USP34: variants seen among roughly 807,000 people sequenced by gnomAD.
The protein encoded by USP34 is ubiquitin carboxyl-terminal hydrolase 34.
USP34 carries 70 observed loss-of-function variants against 460.3 expected under a neutral mutation model. The ratio of observed to expected loss-of-function variants is 0.15; its 90% CI spans 0.13 to 0.19. USP34 has a LOEUF of 0.19. Ranked by LOEUF, USP34 falls within the 10% of genes least tolerant of loss-of-function variation. USP34 has a pLI of 1.00. For missense variants in USP34, 3,985 were observed against 4,236.2 expected (o/e 0.94, Z 1.65); for synonymous variants, 1,647 against 1,405.3 (o/e 1.17, Z -3.85).
chr2:61,283,107 C>A (rs1198487200), intron 37 of USP34, 38 bp downstream of exon 37: 2 of 1,594,626 alleles, frequency 1.3e-6, no homozygotes, highest in Non-Finnish European at 1.7e-6. Flanking sequence ...TGAAAACATA[C>A]AAAAAATAAC....
At chr2:61,206,713 C>CT in intron 71 of USP34, 47 bp downstream of exon 71, 2 of 1,599,700 alleles carry the variant, frequency 1.3e-6, no homozygotes, top group Non-Finnish European at 1.7e-6. Context: ...CCTTCTCTCT[C>CT]TTTACTAGTA....
At chr2:61,326,777 A>AT (rs35060068) in intron 20 of USP34, among the ~76,000 whole-genome samples, 2,351 of 102,988 alleles carry the variant, frequency 0.023, 41 homozygotes, top group Non-Finnish European at 0.027. Context: ...GTCAATGGGC[A>AT]TTTTTTTTTT....
chr2:61,457,094 G>A (rs1695462460), intron 1 of USP34, among the ~76,000 whole-genome samples: 1 of 152,032 alleles, frequency 6.6e-6, no homozygotes, highest in African/African-American at 2.4e-5. Context: ...TGGGTAACAT[G>A]GTGAAACCCT....
intron 10 of USP34, among the ~76,000 whole-genome samples, chr2:61,359,783 T>TG (rs1406142199): frequency 2.1e-4 from 30 of 142,540 alleles, no homozygotes; most frequent in Admixed American, 2.1e-4. Flanking sequence ...ACAGTTGTTT[T>TG]TTTTTTTTTT....
chr2:61,233,276 G>A (rs746200746), intron 57 of USP34, among the ~76,000 whole-genome samples: 4 of 151,996 alleles, frequency 2.6e-5, no homozygotes, highest in Non-Finnish European at 4.4e-5. Flanking sequence ...GAGAAGAGAA[G>A]GAAACAGAGG....
At chr2:61,243,549 TCTTC>T (rs1286150419) in intron 51 of USP34, among the ~76,000 whole-genome samples, 25 of 129,362 alleles carry the variant, frequency 1.9e-4, no homozygotes, top group African/African-American at 5.9e-4. Context: ...GCCTTCCTCT[TCTTC>T]CTTCATTTTT....
In USP34 at chr2:61,296,938, G is replaced by A. The variant is rs1184228679; in HGVS notation, c.4129-13C>T. 9 of 1,601,338 alleles carry A rather than the reference G, an allele frequency of 5.6e-6. No individual in the cohort carries two copies. The East Asian group carries it at 1.6e-4, about 28-fold the overall frequency. On this transcript the variant is annotated splice_polypyrimidine_tract_variant and intron_variant, in intron 29 of 79. Transcript: ENST00000398571. ...CACATCGTAAGCTCTACACAAATAA[G>A]AACAACTACTTTATCAAAACAGATC...
At chr2:61,208,654 C>T (rs967732243) in intron 70 of USP34, 18 of 247,470 alleles carry the variant, frequency 7.3e-5, no homozygotes, top group Non-Finnish European at 6.2e-5. Context: ...TAGTCTATTT[C>T]AAATGGCTGT....
intron 27 of USP34, 54 bp downstream of exon 27, chr2:61,311,486 G>GAAAGAA (rs1690592516): frequency 9.2e-5 from 14 of 152,340 alleles, no homozygotes; most frequent in Non-Finnish European, 1.2e-4. Flanking sequence ...AAGAGAAAGA[G>GAAAGAA]AAAAAGAAAG....
At chr2:61,449,083 G>A (rs1207316813) in intron 1 of USP34, among the ~76,000 whole-genome samples, 1 of 152,072 alleles carries the variant, frequency 6.6e-6, no homozygotes, top group East Asian at 1.9e-4. Context: ...CTTGAACCTG[G>A]GAGGTGGATG....
chr2:61,205,335 G>C (rs1359058857), intron 72 of USP34, among the ~76,000 whole-genome samples: 1 of 152,174 alleles, frequency 6.6e-6, no homozygotes, highest in Non-Finnish European at 1.5e-5. Flanking sequence ...ATCTCACGAT[G>C]ACAGGCTATA....
At chr2:61,280,670 T>C (rs1558507434) in intron 38 of USP34, among the ~76,000 whole-genome samples, 2 of 152,184 alleles carry the variant, frequency 1.3e-5, no homozygotes, top group African/African-American at 2.4e-5. Context: ...AAATTTATTA[T>C]GTATTAGAAG....
intron 61 of USP34, among the ~76,000 whole-genome samples, chr2:61,228,226 T>C (rs1312511083): frequency 6.6e-6 from 1 of 152,240 alleles, no homozygotes; most frequent in Non-Finnish European, 1.5e-5. Flanking sequence ...ACCTAATGCA[T>C]TTGTTATGAA....
intron 16 of USP34, among the ~76,000 whole-genome samples, chr2:61,341,032 T>C (rs1188727441): frequency 3.3e-5 from 5 of 152,190 alleles, no homozygotes; most frequent in Admixed American, 3.3e-4. Flanking sequence ...ATTGAGGAGC[T>C]TTCTTTCCTT....
At chr2:61,190,772 T>A in intron 76 of USP34, 114 bp from the exon 77 acceptor site, 1 of 1,317,856 alleles carries the variant, frequency 7.6e-7, no homozygotes, top group Non-Finnish European at 1.0e-6. Context: ...CTGAAGCCAC[T>A]GAAAATCCTA....
At chr2:61,348,939 T>G (rs1191752843) in intron 13 of USP34, 53 bp from the exon 14 acceptor site, 2 of 1,536,860 alleles carry the variant, frequency 1.3e-6, no homozygotes, top group Non-Finnish European at 1.8e-6. Flanking sequence ...AACATTGACT[T>G]AACAGAATGA....
intron 1 of USP34, among the ~76,000 whole-genome samples, chr2:61,454,273 G>A (rs1695367669): frequency 6.6e-6 from 1 of 151,824 alleles, no homozygotes; most frequent in Non-Finnish European, 1.5e-5. Flanking sequence ...TTACAGGCGT[G>A]TGCCATCATG....
intron 10 of USP34, among the ~76,000 whole-genome samples, chr2:61,356,512 C>A (rs1489672921): frequency 6.6e-6 from 1 of 151,874 alleles, no homozygotes; most frequent in African/African-American, 2.4e-5. Flanking sequence ...CACACACACA[C>A]TGCAATACTA....
At chr2:61,314,245 T>C (rs964010426) in intron 25 of USP34, among the ~76,000 whole-genome samples, 2 of 152,058 alleles carry the variant, frequency 1.3e-5, no homozygotes, top group Admixed American at 6.5e-5. Flanking sequence ...GTAAGAGTTT[T>C]AGAGAAACTT....
Sources: gnomAD v4.1 joint callset for allele counts (sites outside exome capture counted in the v4.1 genomes callset) on GRCh38, gnomAD v4.1.1 for gene constraint, MANE v1.5 for transcripts, NCBI Gene and HGNC (gene_info 2026-07-23, HGNC 2026-07-21) for gene names.